SPIDR: variants seen among roughly 807,000 people sequenced by gnomAD.
The protein encoded by SPIDR is DNA repair-scaffolding protein.
A neutral mutation model predicts 104.6 loss-of-function variants in SPIDR; 93 were observed. The observed-to-expected ratio is 0.89, with a 90% CI of 0.75 to 1.06. The LOEUF (loss-of-function observed/expected upper bound fraction) is 1.06. Among genes scored for constraint, SPIDR ranks in the 50% least tolerant of loss-of-function variants. The pLI is 0.00. For synonymous variants in SPIDR, 431 were observed against 416.9 expected (o/e 1.03, Z -0.41); for missense variants, 1,154 against 1,111.2 (o/e 1.04, Z -0.55).
At position 47,457,294 on chromosome 8, in the gene SPIDR, C is replaced by T. The variant is rs552974604; in HGVS notation, c.1097+16752C>T. On this transcript the variant is annotated intron_variant, in intron 8 of 19. Transcript: ENST00000297423. ...TTATTTTTTGATGTTTTGATTATGG[C>T]CATTCTTGCAGGAAGTAAGGTGGTA... Among the ~76,000 whole-genome samples, 3 of 152,196 alleles carry T rather than the reference C, an allele frequency of 2.0e-5. No homozygotes were observed. The South Asian group carries it at 6.2e-4, about 32-fold the overall frequency.
chr8:47,333,084 A>C (rs567902072), intron 5 of SPIDR, among the ~76,000 whole-genome samples: 1 of 152,270 alleles, frequency 6.6e-6, no homozygotes, highest in African/African-American at 2.4e-5. Context: ...ACATTAGCCT[A>C]GGTCTACACA....
At chr8:47,703,665 G>T (rs1167941964) in intron 14 of SPIDR, among the ~76,000 whole-genome samples, 1 of 152,102 alleles carries the variant, frequency 6.6e-6, no homozygotes, top group Non-Finnish European at 1.5e-5. Context: ...TATTCTTACG[G>T]TTTTTTAACC....
chr8:47,594,531 T>A (rs2061431201), intron 8 of SPIDR, among the ~76,000 whole-genome samples: 1 of 152,150 alleles, frequency 6.6e-6, no homozygotes, highest in Admixed American at 6.5e-5. Flanking sequence ...TCATGATGTT[T>A]ACCTAGAGTA....
At chr8:47,311,433 T>TA (rs1187548548) in intron 5 of SPIDR, among the ~76,000 whole-genome samples, 16 of 152,260 alleles carry the variant, frequency 1.1e-4, no homozygotes, top group African/African-American at 3.8e-4. Context: ...AACATGAATT[T>TA]ACATGTTGAA....
At chr8:47,428,039 C>G (rs2066722560) in intron 7 of SPIDR, among the ~76,000 whole-genome samples, 1 of 152,258 alleles carries the variant, frequency 6.6e-6, no homozygotes, top group South Asian at 2.1e-4. Flanking sequence ...TCTCCCGTCT[C>G]AGCCTCCTGA....
intron 16 of SPIDR, among the ~76,000 whole-genome samples, chr8:47,716,817 C>A (rs2082649510): frequency 6.6e-6 from 1 of 152,172 alleles, no homozygotes; most frequent in African/African-American, 2.4e-5. Flanking sequence ...CAGTTATAAA[C>A]CCTCCCAAGT....
chr8:47,550,683 T>C (rs1441227008), intron 8 of SPIDR, among the ~76,000 whole-genome samples: 5 of 152,036 alleles, frequency 3.3e-5, no homozygotes, highest in African/African-American at 1.2e-4. Flanking sequence ...GACAATGGGG[T>C]TTTCTAAATA....
intron 7 of SPIDR, among the ~76,000 whole-genome samples, chr8:47,409,502 CA>C (rs1554669754): frequency 3.3e-5 from 5 of 152,064 alleles, no homozygotes; most frequent in Non-Finnish European, 7.4e-5. Flanking sequence ...TCATGTATTC[CA>C]AACCAACTAT....
rs1218138006 is a variant in SPIDR, at chr8:47,568,695, G to A, written c.1098-27116G>A. The stretch of plus-strand genomic sequence containing the variant: ...ATTTTCACGTATCAGAAGAGAAAGA[G>A]AAAGGGGCAGAAAAAATATTTAAAG... On this transcript the variant is annotated intron_variant, in intron 8 of 19. Coordinates refer to ENST00000297423, the MANE Select transcript of SPIDR (RefSeq NM_001080394.4). Among the ~76,000 whole-genome samples, 3 of 152,156 alleles carry A rather than the reference G, an allele frequency of 2.0e-5. No individual in the cohort carries two copies. The East Asian group carries it at 5.8e-4, about 29-fold the overall frequency.
intron 16 of SPIDR, among the ~76,000 whole-genome samples, chr8:47,726,885 TG>T (rs1462867188): frequency 2.0e-5 from 3 of 152,096 alleles, no homozygotes; most frequent in African/African-American, 7.2e-5. Flanking sequence ...ATATGCAATA[TG>T]GGGAATGTTT....
chr8:47,393,639 T>C (rs782296928), intron 5 of SPIDR, among the ~76,000 whole-genome samples: 4 of 151,590 alleles, frequency 2.6e-5, no homozygotes, highest in Non-Finnish European at 5.9e-5. Context: ...TTTTTTCTTT[T>C]CTTTTCTCTT....
intron 8 of SPIDR, among the ~76,000 whole-genome samples, chr8:47,522,172 C>CAA (rs781613495): frequency 6.1e-5 from 4 of 65,612 alleles, no homozygotes; most frequent in Admixed American, 1.8e-4. Flanking sequence ...GAGTCTGTCT[C>CAA]AAAAAAAAAA....
intron 5 of SPIDR, among the ~76,000 whole-genome samples, chr8:47,315,150 T>C (rs1265189888): frequency 2.6e-5 from 4 of 152,164 alleles, no homozygotes; most frequent in Non-Finnish European, 4.4e-5. Flanking sequence ...CTGTAACTTA[T>C]AGAAAACCTA....
At chr8:47,377,977 C>G (rs1320145595) in intron 5 of SPIDR, among the ~76,000 whole-genome samples, 1 of 152,164 alleles carries the variant, frequency 6.6e-6, no homozygotes, top group Non-Finnish European at 1.5e-5. Flanking sequence ...TTAAGAAACA[C>G]TTATATGATT....
At chr8:47,349,266 A>G (rs149588149) in intron 5 of SPIDR, among the ~76,000 whole-genome samples, 13,427 of 152,268 alleles carry the variant, frequency 0.088, 761 homozygotes, top group African/African-American at 0.16. Context: ...TTGCCTGGGG[A>G]TCACCAGTGG....
chr8:47,567,611 T>A (rs1195231726), intron 8 of SPIDR, among the ~76,000 whole-genome samples: 3 of 151,944 alleles, frequency 2.0e-5, no homozygotes, highest in African/African-American at 7.3e-5. Context: ...TCATTCAGAC[T>A]CCAAAAGCTC....
chr8:47,460,557 T>C (rs1554712776), intron 8 of SPIDR, among the ~76,000 whole-genome samples: 1 of 152,194 alleles, frequency 6.6e-6, no homozygotes, highest in East Asian at 1.9e-4. Flanking sequence ...TGAGTCCTTA[T>C]GTGTTAGGTA....
intron 5 of SPIDR, among the ~76,000 whole-genome samples, chr8:47,305,239 C>T (rs1360310857): frequency 2.6e-5 from 4 of 152,246 alleles, no homozygotes; most frequent in African/African-American, 7.2e-5. Context: ...TTATGTCATT[C>T]TTATATACTT....
intron 11 of SPIDR, among the ~76,000 whole-genome samples, chr8:47,690,665 A>C (rs916356478): frequency 6.6e-6 from 1 of 152,062 alleles, no homozygotes; most frequent in African/African-American, 2.4e-5. Flanking sequence ...CTAAAAATAC[A>C]AAAATTAACC....
Sources: gnomAD v4.1 joint callset for allele counts (sites outside exome capture counted in the v4.1 genomes callset) on GRCh38, gnomAD v4.1.1 for gene constraint, MANE v1.5 for transcripts, NCBI Gene and HGNC (gene_info 2026-07-23, HGNC 2026-07-21) for gene names.